ENDOV: variants seen among roughly 807,000 people sequenced by gnomAD.
ENDOV encodes endonuclease V, also known as hEndoV.
In ENDOV, 37 loss-of-function variants were observed where a neutral mutation model predicts 39.4. The observed-to-expected ratio is 0.94, with a 90% CI of 0.72 to 1.23. The LOEUF (loss-of-function observed/expected upper bound fraction) is 1.23. ENDOV is among the 50% of genes most tolerant of loss of function. The pLI is 0.00. For missense variants in ENDOV, 441 were observed against 375.7 expected (o/e 1.17, Z -1.44); for synonymous variants, 186 against 163.4 (o/e 1.14, Z -1.05).
intron 2 of ENDOV, among the ~76,000 whole-genome samples, chr17:80,416,592 G>GC (rs749801891): frequency 1.3e-5 from 2 of 152,100 alleles, no homozygotes; most frequent in Non-Finnish European, 2.9e-5. Context: ...TTTCATGGGT[G>GC]CCCTGGCTCA....
In ENDOV at chr17:80,436,148, G is replaced by C. The variant is rs2083581823; in HGVS notation, c.*5G>C. On this transcript the variant is annotated 3_prime_UTR_variant, in exon 10 of 10. Coordinates refer to ENST00000518137, the MANE Select transcript of ENDOV (RefSeq NM_173627.5). ...GAACGTCTAGCACTTTGTTGAACGT[G>C]GTGGTGAGAGCACACGTCCTCGTCT... The C allele has an allele frequency of 6.2e-7, 1 of 1,603,476 alleles. No homozygotes were observed. Among genetic ancestry groups the C allele is most frequent in the African/African-American group, 1.3e-5 (1 of 74,564 alleles).
At position 80,415,454 on chromosome 17, in the gene ENDOV, G is replaced by C. The variant is rs1426932173; in HGVS notation, c.57-196G>C. ...TGGGCGCGGTTCTCGCTTCCGGCCA[G>C]TTTGTCTGGCCTGCGCTTGCGCGGG... On this transcript the variant is annotated intron_variant, in intron 1 of 9. Transcript: ENST00000518137. The C allele has an allele frequency of 5.0e-6, 5 of 997,288 alleles. No homozygotes were observed. The Admixed American group carries it at 1.4e-4, about 29-fold the overall frequency. The allele number at this position is 997,288 out of a possible 1,614,324, so 61.8% of individuals were successfully genotyped here. A position where few individuals can be genotyped will look rare whatever the true frequency, so the allele number is the denominator to read the frequency against.
At chr17:80,415,357 C>T (rs1236926528) in intron 1 of ENDOV, 107 bp downstream of exon 1, 1 of 1,345,112 alleles carries the variant, frequency 7.4e-7, no homozygotes, top group African/African-American at 1.5e-5. Context: ...GCTGCCACCG[C>T]CCGAGACTCC....
At chr17:80,433,241 G>C (rs1599476107) in intron 9 of ENDOV, 3 of 519,768 alleles carry the variant, frequency 5.8e-6, no homozygotes, top group Non-Finnish European at 1.2e-5. Context: ...TCCCACAGGG[G>C]TCAGTACCTG....
chr17:80,433,698 G>T (rs927359533), intron 9 of ENDOV, among the ~76,000 whole-genome samples: 1 of 152,196 alleles, frequency 6.6e-6, no homozygotes, highest in African/African-American at 2.4e-5. Flanking sequence ...CTCTGTGAGG[G>T]GGGCAGAGAT....
chr17:80,430,586 C>G (rs1204522755), intron 9 of ENDOV, among the ~76,000 whole-genome samples: 1 of 152,220 alleles, frequency 6.6e-6, no homozygotes, highest in African/African-American at 2.4e-5. Flanking sequence ...CATCCTCCAG[C>G]CTGTCCCAGG....
chr17:80,434,348 G>C (rs2083485331), intron 9 of ENDOV, among the ~76,000 whole-genome samples: 1 of 152,166 alleles, frequency 6.6e-6, no homozygotes, highest in Non-Finnish European at 1.5e-5. Context: ...TGTTAATCCT[G>C]GTGGATATTT....
At chr17:80,427,654 T>TCA (rs2082879378) in intron 7 of ENDOV, 1 of 1,218,300 alleles carries the variant, frequency 8.2e-7, no homozygotes, top group Non-Finnish European at 1.1e-6. Flanking sequence ...CTGAGCTCAC[T>TCA]CACCTCTCAA....
Position 80,415,834 on chromosome 17 carries a change from G to GA in ENDOV, c.228+14dup. On this transcript the variant is annotated intron_variant, in intron 2 of 9. Coordinates refer to ENST00000518137, the MANE Select transcript of ENDOV (RefSeq NM_173627.5). ...CCCTGAGCTCGAGGTAACCTGGGAGGACGCCGAGCTCGAGGCGGGCCCCTC... is the reference window on the plus strand; with the variant it reads ...CCCTGAGCTCGAGGTAACCTGGGAGGAACGCCGAGCTCGAGGCGGGCCCCTC... The GA allele has an allele frequency of 1.3e-6, 2 of 1,583,912 alleles. No individual in the cohort carries two copies.
At chr17:80,433,576 T>TC (rs2083449642) in intron 9 of ENDOV, among the ~76,000 whole-genome samples, 1 of 152,170 alleles carries the variant, frequency 6.6e-6, no homozygotes, top group Non-Finnish European at 1.5e-5. Context: ...GGGGCTTCAC[T>TC]CCAACAGGGG....
intron 4 of ENDOV, among the ~76,000 whole-genome samples, chr17:80,423,035 T>C (rs1198811919): frequency 6.6e-6 from 1 of 152,214 alleles, no homozygotes; most frequent in Non-Finnish European, 1.5e-5. Context: ...CATACAGAGC[T>C]GCGGGCGGCG....
chr17:80,423,926 G>A (rs1346398169), intron 5 of ENDOV: 3 of 444,812 alleles, frequency 6.7e-6, no homozygotes, highest in Non-Finnish European at 1.2e-5. Context: ...CAGTTACTGG[G>A]GACAGGACGG....
At chr17:80,426,464 C>T (rs2145040581) in intron 7 of ENDOV, among the ~76,000 whole-genome samples, 1 of 151,976 alleles carries the variant, frequency 6.6e-6, no homozygotes, top group Middle Eastern at 3.4e-3. Flanking sequence ...CCCTAGGCAA[C>T]ATAGACCCCG....
chr17:80,415,707 A>T lies in ENDOV; in HGVS notation c.114A>T (p.Arg38=). 1 of 1,611,330 alleles carries T rather than the reference A, an allele frequency of 6.2e-7. No individual in the cohort carries two copies. Among genetic ancestry groups the T allele is most frequent in the South Asian group, 1.1e-5 (1 of 90,448 alleles). The stretch of plus-strand genomic sequence containing the variant: ...ACCGGGACACCGAGGCGTGGCAGCG[A>T]GACCCCGCCTTCTCGGGTCTGCAGA... ...VVDRDTEAWQ[R]DPAFSGLQRV... The change falls in exon 2 of 10, where the codon CGA becomes CGT. Residue 38 remains arginine (R), a synonymous_variant. Transcript: ENST00000518137.
intron 7 of ENDOV, chr17:80,427,737 C>A: frequency 7.8e-7 from 1 of 1,289,364 alleles, no homozygotes; most frequent in Non-Finnish European, 1.0e-6. Context: ...TCTGCTCTCT[C>A]CCTGGCTCCG....
At chr17:80,424,685 G>A (rs939833087) in intron 5 of ENDOV, among the ~76,000 whole-genome samples, 1 of 152,230 alleles carries the variant, frequency 6.6e-6, no homozygotes, top group Non-Finnish European at 1.5e-5. Flanking sequence ...GCCGGTTGCG[G>A]TGGCTCACTC....
chr17:80,415,444 C>T (rs2080963094), intron 1 of ENDOV, 194 bp downstream of exon 1: 1 of 989,182 alleles, frequency 1.0e-6, no homozygotes, highest in South Asian at 1.7e-5. Context: ...GCGGTTCTCG[C>T]TTCCGGCCAG....
chr17:80,429,890 C>G, intron 9 of ENDOV, 59 bp downstream of exon 9: 1 of 1,612,272 alleles, frequency 6.2e-7, no homozygotes. Flanking sequence ...CAAGGCCAGG[C>G]TCCCAGGAGC....
At chr17:80,417,395 C>A (rs2081351632) in intron 2 of ENDOV, 1 of 152,282 alleles carries the variant, frequency 6.6e-6, no homozygotes, top group Non-Finnish European at 1.5e-5. Flanking sequence ...AAGACGAGGA[C>A]TTGTCCCTCA....
Sources: gnomAD v4.1 joint callset for allele counts (sites outside exome capture counted in the v4.1 genomes callset) on GRCh38, gnomAD v4.1.1 for gene constraint, MANE v1.5 for transcripts, NCBI Gene and HGNC (gene_info 2026-07-23, HGNC 2026-07-21) for gene names.